Variants in DLGAP2 observed in about 807,000 individuals in gnomAD.
DLGAP2 encodes DLG associated protein 2.
A neutral mutation model predicts 100.3 loss-of-function variants in DLGAP2; 26 were observed. The ratio of observed to expected loss-of-function variants is 0.26; its 90% confidence interval spans 0.19 to 0.36. The LOEUF is 0.36. DLGAP2 is among the 10% of genes least tolerant of loss of function. The pLI is 1.00. For missense variants in DLGAP2, 1,858 were observed against 1,453.2 expected (o/e 1.28, Z -4.53); for synonymous variants, 886 against 630.1 (o/e 1.41, Z -6.08).
At chr8:898,402 C>T (rs1391990401) in intron 1 of DLGAP2, among the ~76,000 whole-genome samples, 1 of 152,184 alleles carries the variant, frequency 6.6e-6, no homozygotes, top group African/African-American at 2.4e-5. Context: ...GGAAGGCGGT[C>T]ATTGGCCGGG....
chr8:1,183,626 G>C (rs565338931), intron 2 of DLGAP2, among the ~76,000 whole-genome samples: 1 of 152,180 alleles, frequency 6.6e-6, no homozygotes, highest in African/African-American at 2.4e-5. Context: ...GGGAGGCACC[G>C]CTCCTGGCTT....
At chr8:1,191,812 T>C (rs1270863034) in intron 2 of DLGAP2, among the ~76,000 whole-genome samples, 21 of 152,206 alleles carry the variant, frequency 1.4e-4, no homozygotes, top group Admixed American at 1.4e-3. Flanking sequence ...ATAAACCGTA[T>C]TATATAAGAT....
chr8:967,084 T>C (rs535046021), intron 2 of DLGAP2, among the ~76,000 whole-genome samples: 15 of 152,360 alleles, frequency 9.8e-5, no homozygotes, highest in Non-Finnish European at 1.9e-4. Context: ...TCTTTGTGTA[T>C]TTACCTTTCT....
intron 4 of DLGAP2, among the ~76,000 whole-genome samples, chr8:1,537,720 TGAAAGGATGGAAGGAA>T (rs1373688580): frequency 1.1e-4 from 15 of 132,436 alleles, no homozygotes; most frequent in Admixed American, 3.1e-4. Context: ...GATGGATGGA[TGAAAGGATGGAAGGAA>T]GGAAGGAAGG....
intron 1 of DLGAP2, among the ~76,000 whole-genome samples, chr8:859,720 G>A (rs1797354516): frequency 6.6e-6 from 1 of 152,144 alleles, no homozygotes; most frequent in Admixed American, 6.5e-5. Context: ...TTCTGGATTT[G>A]CTGCATTCAC....
intron 2 of DLGAP2, chr8:1,019,101 TGCCAGCCAC>T (rs923669334): frequency 1.1e-4 from 16 of 152,322 alleles, no homozygotes; most frequent in Admixed American, 1.3e-4. Flanking sequence ...TCATGCACCA[TGCCAGCCAC>T]GCCAGCCACG....
At chr8:995,211 G>C (rs191005551) in intron 2 of DLGAP2, among the ~76,000 whole-genome samples, 1 of 152,020 alleles carries the variant, frequency 6.6e-6, no homozygotes, top group Admixed American at 6.6e-5. Context: ...TCACATTACC[G>C]TATAAAACAA....
intron 3 of DLGAP2, among the ~76,000 whole-genome samples, chr8:1,389,895 CAGCT>C (rs1796309185): frequency 1.3e-5 from 2 of 152,246 alleles, no homozygotes; most frequent in Admixed American, 1.3e-4. Context: ...TGCTGAAAAA[CAGCT>C]AGCAGGCGTC....
At chr8:1,545,468 C>G (rs1380536986) in intron 4 of DLGAP2, among the ~76,000 whole-genome samples, 1 of 152,158 alleles carries the variant, frequency 6.6e-6, no homozygotes, top group African/African-American at 2.4e-5. Flanking sequence ...GCTGTTTTCT[C>G]TCAATGACAA....
intron 2 of DLGAP2, among the ~76,000 whole-genome samples, chr8:994,273 T>C (rs1800722411): frequency 6.6e-6 from 1 of 152,186 alleles, no homozygotes; most frequent in African/African-American, 2.4e-5. Context: ...CGATCTCGGC[T>C]CACTGCAACC....
At chr8:1,605,072 G>GCCAT (rs1195476269) in intron 6 of DLGAP2, among the ~76,000 whole-genome samples, 1 of 152,190 alleles carries the variant, frequency 6.6e-6, no homozygotes, top group Non-Finnish European at 1.5e-5. Flanking sequence ...CAACCTCGGT[G>GCCAT]CCATCGGCTC....
intron 2 of DLGAP2, among the ~76,000 whole-genome samples, chr8:963,586 T>A (rs969999859): frequency 2.0e-5 from 3 of 152,208 alleles, no homozygotes; most frequent in African/African-American, 4.8e-5. Context: ...ATAATCACAT[T>A]AATTTTATCA....
intron 2 of DLGAP2, among the ~76,000 whole-genome samples, chr8:1,077,863 A>C (rs1365994130): frequency 6.6e-6 from 1 of 152,146 alleles, no homozygotes; most frequent in Non-Finnish European, 1.5e-5. Flanking sequence ...CGGAGCTCAC[A>C]GCTGTCTCAG....
intron 3 of DLGAP2, among the ~76,000 whole-genome samples, chr8:1,408,404 C>T (rs1180522803): frequency 6.6e-6 from 1 of 151,738 alleles, no homozygotes; most frequent in African/African-American, 2.4e-5. Flanking sequence ...AAGTTCGCCA[C>T]AACCTGTTAG....
At chr8:1,143,399 T>TA in intron 2 of DLGAP2, among the ~76,000 whole-genome samples, 1 of 152,314 alleles carries the variant, frequency 6.6e-6, no homozygotes, top group African/African-American at 2.4e-5. Flanking sequence ...CTCCCCTTAA[T>TA]ATCTCTATCA....
chr8:1,668,423 C>G lies in DLGAP2; in HGVS notation c.1905C>G (p.Thr635=), dbSNP rs542362008. ...PLISVTAQSS[T]ESTQDAYQDS... ...TCTCGGTGACGGCGCAGAGCAGCAC[C>G]GAATCCACCCAGGACGCCTACCAGG... Residue 635 remains threonine (T), a synonymous_variant, in exon 9 of 15, where the codon ACC becomes ACG. Transcript: ENST00000637795. 2.5e-6 allele frequency: 4 copies of G among 1,603,722 alleles called. No homozygotes were observed. The highest frequency in any genetic ancestry group is 2.3e-5 in the East Asian group (1 of 44,162).
At chr8:1,206,606 A>ACCC (rs1797999564) in intron 2 of DLGAP2, among the ~76,000 whole-genome samples, 1 of 89,230 alleles carries the variant, frequency 1.1e-5, no homozygotes, top group African/African-American at 6.4e-5. Context: ...ATCTCCAGCC[A>ACCC]TCCGTGGACT....
chr8:1,111,993 C>T (rs996736779), intron 2 of DLGAP2, among the ~76,000 whole-genome samples: 3 of 151,998 alleles, frequency 2.0e-5, no homozygotes, highest in Non-Finnish European at 2.9e-5. Flanking sequence ...CACTGCTTTC[C>T]ACAGGGGTTG....
chr8:1,004,619 G>T (rs1646684602), intron 2 of DLGAP2, among the ~76,000 whole-genome samples: 1 of 152,124 alleles, frequency 6.6e-6, no homozygotes, highest in African/African-American at 2.4e-5. Flanking sequence ...TCCACAGCTC[G>T]CACACTGAGC....
Sources: gnomAD v4.1 joint callset for allele counts (sites outside exome capture counted in the v4.1 genomes callset) on GRCh38, gnomAD v4.1.1 for gene constraint, MANE v1.5 for transcripts, NCBI Gene and HGNC (gene_info 2026-07-23, HGNC 2026-07-21) for gene names.